GNAQ: variants seen among roughly 807,000 people sequenced by gnomAD.
GNAQ encodes the protein G protein subunit alpha q, also known as guanine nucleotide-binding protein G(q) subunit alpha.
A neutral mutation model predicts 43.9 loss-of-function variants in GNAQ; 8 were observed. The ratio of observed to expected loss-of-function variants is 0.18; its 90% confidence interval spans 0.11 to 0.33. The LOEUF is 0.33. GNAQ is among the 10% of genes least tolerant of loss of function. The pLI, the probability that GNAQ is intolerant of heterozygous loss-of-function variation, is 1.00. For missense variants in GNAQ, 158 were observed against 450.8 expected (o/e 0.35, Z 5.88); for synonymous variants, 155 against 170.7 (o/e 0.91, Z 0.71).
chr9:77,943,746 C>T (rs2118351506), intron 1 of GNAQ, among the ~76,000 whole-genome samples: 1 of 150,964 alleles, frequency 6.6e-6, no homozygotes, highest in East Asian at 2.0e-4. Context: ...TCACTGCAAC[C>T]TCTGCCTCCT....
intron 2 of GNAQ, among the ~76,000 whole-genome samples, chr9:77,830,556 T>C (rs1298252484): frequency 6.6e-6 from 1 of 152,212 alleles, no homozygotes; most frequent in Admixed American, 6.5e-5. Flanking sequence ...TAAAGATAAC[T>C]TAAAAACACG....
At chr9:77,950,702 C>T (rs1311922046) in intron 1 of GNAQ, among the ~76,000 whole-genome samples, 9 of 152,246 alleles carry the variant, frequency 5.9e-5, no homozygotes, top group Admixed American at 1.3e-4. Context: ...TCACTAAACA[C>T]TTTTTATGAA....
At chr9:77,941,912 AC>A (rs1829320302) in intron 1 of GNAQ, among the ~76,000 whole-genome samples, 1 of 73,460 alleles carries the variant, frequency 1.4e-5, no homozygotes, top group Non-Finnish European at 2.5e-5. Context: ...ATACATACAC[AC>A]ACACACACAC....
intron 2 of GNAQ, among the ~76,000 whole-genome samples, chr9:77,835,800 T>C (rs980929043): frequency 1.3e-5 from 2 of 152,220 alleles, no homozygotes; most frequent in Admixed American, 6.5e-5. Context: ...ACAGTGCCTA[T>C]CTCATAACAA....
intron 2 of GNAQ, among the ~76,000 whole-genome samples, chr9:77,850,447 C>T (rs1206787135): frequency 6.6e-6 from 1 of 152,174 alleles, no homozygotes; most frequent in Non-Finnish European, 1.5e-5. Context: ...GCCACAGCAA[C>T]AGTGTCTATG....
At chr9:77,967,751 G>A (rs965631519) in intron 1 of GNAQ, among the ~76,000 whole-genome samples, 2 of 152,058 alleles carry the variant, frequency 1.3e-5, no homozygotes, top group East Asian at 1.9e-4. Flanking sequence ...AGGCTGAGGC[G>A]GATGGATCAC....
chr9:77,886,386 T>TAAAA (rs11371901), intron 2 of GNAQ, among the ~76,000 whole-genome samples: 2 of 140,336 alleles, frequency 1.4e-5, no homozygotes. Context: ...GCTATGCTCT[T>TAAAA]AAAAAAAAAA....
At chr9:78,022,256 CAG>C (rs1166836439) in intron 1 of GNAQ, among the ~76,000 whole-genome samples, 1 of 152,126 alleles carries the variant, frequency 6.6e-6, no homozygotes, top group Non-Finnish European at 1.5e-5. Flanking sequence ...TGAGTTTGGG[CAG>C]AAAGTGGCCG....
intron 5 of GNAQ, among the ~76,000 whole-genome samples, chr9:77,755,390 T>C (rs1224812069): frequency 1.3e-5 from 2 of 152,194 alleles, no homozygotes; most frequent in Non-Finnish European, 2.9e-5. Flanking sequence ...TGAAAATCAT[T>C]AAATGCTTGA....
intron 1 of GNAQ, among the ~76,000 whole-genome samples, chr9:77,991,326 T>C (rs909442596): frequency 2.0e-4 from 31 of 152,152 alleles, no homozygotes; most frequent in Non-Finnish European, 3.2e-4. Flanking sequence ...CACCTTAGCA[T>C]ACAGAATGTA....
At chr9:77,734,007 G>A (rs1825535219) in intron 5 of GNAQ, among the ~76,000 whole-genome samples, 1 of 152,220 alleles carries the variant, frequency 6.6e-6, no homozygotes. Flanking sequence ...TCAGGCTACT[G>A]TCTGGCACAA....
At chr9:77,847,405 G>C (rs571287501) in intron 2 of GNAQ, among the ~76,000 whole-genome samples, 1 of 152,152 alleles carries the variant, frequency 6.6e-6, no homozygotes, top group East Asian at 1.9e-4. Flanking sequence ...CGAAAAACAC[G>C]ATGGGAATGG....
intron 2 of GNAQ, among the ~76,000 whole-genome samples, chr9:77,833,354 C>A (rs1023974240): frequency 7.2e-5 from 11 of 152,218 alleles, no homozygotes; most frequent in African/African-American, 2.7e-4. Context: ...GTCGAATTCC[C>A]TAAAGGGACT....
intron 1 of GNAQ, among the ~76,000 whole-genome samples, chr9:77,977,957 A>G (rs144625761): frequency 9.4e-4 from 143 of 152,322 alleles, no homozygotes; most frequent in African/African-American, 3.3e-3. Context: ...TACCCTAGTA[A>G]TAACAGTAAT....
chr9:77,777,761 A>T (rs1826326171), intron 5 of GNAQ, among the ~76,000 whole-genome samples: 1 of 152,050 alleles, frequency 6.6e-6, no homozygotes, highest in Non-Finnish European at 1.5e-5. Flanking sequence ...AAAAATCACA[A>T]TGAGATACCA....
At chr9:77,857,797 G>T in intron 2 of GNAQ, among the ~76,000 whole-genome samples, 1 of 150,870 alleles carries the variant, frequency 6.6e-6, no homozygotes, top group Middle Eastern at 3.2e-3. Context: ...TTTTTTTCAA[G>T]GCCATTTTCT....
At chr9:77,787,765 C>T (rs1826505140) in intron 5 of GNAQ, among the ~76,000 whole-genome samples, 1 of 152,216 alleles carries the variant, frequency 6.6e-6, no homozygotes, top group Non-Finnish European at 1.5e-5. Context: ...CATGGTGGCT[C>T]ACGCCTGTTA....
chr9:77,728,684 A>AG lies in GNAQ; in HGVS notation c.736-18_736-17insC, dbSNP rs1564092898. On this transcript the variant is annotated splice_polypyrimidine_tract_variant and intron_variant, in intron 5 of 6. Transcript: ENST00000286548. ...CATTCGGTTCTGGAAAAAAAAAAAA[A>AG]ATCAGAAAAAACAAGGAGTGAATTA... is the stretch of plus-strand genomic sequence containing the variant. 1.9e-6 allele frequency: 3 copies of AG among 1,547,192 alleles called. No individual in the cohort carries two copies. Among genetic ancestry groups the AG allele is most frequent in the Non-Finnish European group, 2.6e-6 (3 of 1,142,528 alleles).
chr9:77,998,212 C>T (rs1183941801), intron 1 of GNAQ, among the ~76,000 whole-genome samples: 2 of 152,208 alleles, frequency 1.3e-5, no homozygotes, highest in South Asian at 2.1e-4. Context: ...GATCAGGATA[C>T]ACTCACAGTT....
Sources: allele counts gnomAD v4.1 joint callset (sites outside exome capture counted in the v4.1 genomes callset), GRCh38; gene constraint gnomAD v4.1.1; transcripts MANE v1.5; gene names NCBI Gene and HGNC (gene_info 2026-07-23, HGNC 2026-07-21).